MSH6: variants seen among roughly 807,000 people sequenced by gnomAD.
MSH6 encodes the protein mutS homolog 6, also known as DNA mismatch repair protein Msh6.
MSH6 carries 85 observed loss-of-function variants against 119.1 expected under a neutral mutation model. The observed-to-expected ratio is 0.71, with a 90% CI of 0.60 to 0.85. The LOEUF is 0.85. Among genes scored for constraint, MSH6 ranks in the 40% least tolerant of loss-of-function variants. The probability of loss-of-function intolerance (pLI) is 0.00; values close to 1 mark genes in which losing one functional copy is unlikely to be tolerated. For missense variants in MSH6, 2,163 were observed against 1,655.3 expected (o/e 1.31, Z -5.32); for synonymous variants, 830 against 586.9 (o/e 1.41, Z -5.99).
At chr2:47,804,471 T>C (rs1046604818) in intron 5 of MSH6, among the ~76,000 whole-genome samples, 5 of 151,654 alleles carry the variant, frequency 3.3e-5, no homozygotes, top group Admixed American at 6.6e-5. Context: ...GGCAGTATAG[T>C]GTGTATAGTG....
Position 47,783,286 on chromosome 2 carries a change from G to T in MSH6, c.53G>T (p.Ser18Ile). ...YSFFPKSPAL[S>I]DANKASARAS... is the part of the protein sequence containing the mutation. ...TTCTTCCCCAAGTCTCCGGCGCTGA[G>T]TGATGCCAACAAGGCCTCGGCCAGG... The change falls in exon 1 of 10, where the codon AGT becomes ATT. Residue 18 changes from serine (S) to isoleucine (I), a missense_variant. Physicochemically the swap from Ser to Ile is moderately radical, Grantham distance 142 (BLOSUM62 -2). Transcript: ENST00000234420. 1 of 1,612,248 alleles carries T rather than the reference G, an allele frequency of 6.2e-7. No individual in the cohort carries two copies. The highest frequency in any genetic ancestry group is 2.2e-5 in the East Asian group (1 of 44,818).
chr2:47,797,168 C>T (rs962374459), intron 3 of MSH6, among the ~76,000 whole-genome samples: 9 of 152,108 alleles, frequency 5.9e-5, no homozygotes, highest in African/African-American at 2.2e-4. Flanking sequence ...TATGTGTGGC[C>T]TAAGACAATT....
intron 2 of MSH6, among the ~76,000 whole-genome samples, chr2:47,792,130 G>T (rs928851711): frequency 6.6e-6 from 1 of 152,100 alleles, no homozygotes; most frequent in Non-Finnish European, 1.5e-5. Context: ...ATAGGCGTGA[G>T]CCACTGTGCC....
downstream of MSH6, chr2:47,808,907 G>A (rs1558400054): frequency 2.9e-6 from 1 of 350,714 alleles, no homozygotes; most frequent in South Asian, 5.6e-5. Flanking sequence ...ATGTTGCCCA[G>A]GCTGGTTTAG....
rs772514245 is a variant in MSH6 at position 47,800,684 on chromosome 2, C to G, written c.2701C>G (p.Arg901Gly). Reference sequence around the variant, plus strand: ...TCTGCAGACAAAAAATCCTGAAGGTCGTTTTCCTGATTTGACTGTAGAATT... The same window carrying G: ...TCTGCAGACAAAAAATCCTGAAGGTGGTTTTCCTGATTTGACTGTAGAATT... ...ISLQTKNPEG[R>G]FPDLTVELNR... The change falls in exon 4 of 10, where the codon CGT becomes GGT. Residue 901 changes from arginine to glycine, a missense_variant. Arg to Gly is a moderately radical substitution (Grantham distance 125). Transcript: ENST00000234420. 6.2e-7 allele frequency: 1 copy of G among 1,614,066 alleles called. No homozygotes were observed. Among genetic ancestry groups the G allele is most frequent in the Non-Finnish European group, 8.5e-7 (1 of 1,180,032 alleles).
rs35590297 is a variant in MSH6, at chr2:47,799,432, G to C, written c.1449G>C (p.Val483=). Residue 483 remains valine (V), a synonymous_variant, in exon 4 of 10, where the codon GTG becomes GTC. Coordinates refer to ENST00000234420, the MANE Select transcript of MSH6 (RefSeq NM_000179.3). ...LVQKGYKVAR[V]EQTETPEMME... is the part of the protein sequence containing the mutation. ...AGAAGGGCTATAAAGTAGCACGAGT[G>C]GAACAGACTGAGACTCCAGAAATGA... The C allele has an allele frequency of 6.2e-7, 1 of 1,614,142 alleles. No individual in the cohort carries two copies. Among genetic ancestry groups the C allele is most frequent in the Non-Finnish European group, 8.5e-7 (1 of 1,180,026 alleles).
chr2:47,808,731 T>C (rs1670400431), downstream of MSH6: 1 of 329,136 alleles, frequency 3.0e-6, no homozygotes, highest in African/African-American at 2.1e-5. Flanking sequence ...GTCAAAACTG[T>C]CACAGTGACT....
chr2:47,804,963 G>A lies in MSH6; in HGVS notation c.3492G>A (p.Val1164=), dbSNP rs1060504745. 6.2e-7 allele frequency: 1 copy of A among 1,614,130 alleles called. No individual in the cohort carries two copies. The change falls in exon 6 of 10, where the codon GTG becomes GTA. Residue 1164 remains valine (V), a synonymous_variant. Coordinates refer to ENST00000234420, the MANE Select transcript of MSH6 (RefSeq NM_000179.3). ...TGGGTTGTTACGTCCCTGCTGAAGT[G>A]TGCAGGCTCACACCAATTGATAGAG... The part of the protein sequence containing the change: ...AQMGCYVPAE[V]CRLTPIDRVF...
intron 3 of MSH6, among the ~76,000 whole-genome samples, chr2:47,797,334 G>C (rs905502173): frequency 2.0e-5 from 3 of 152,182 alleles, no homozygotes; most frequent in African/African-American, 4.8e-5. Flanking sequence ...AGTTAATAAA[G>C]TGGGTATTTT....
At chr2:47,805,590 A>T (rs2104520601) in intron 6 of MSH6, 28 bp from the exon 7 acceptor site, 1 of 1,433,508 alleles carries the variant, frequency 7.0e-7, no homozygotes, top group Non-Finnish European at 9.8e-7. Flanking sequence ...CAAAATGAGT[A>T]TTCATTTGTG....
In MSH6 at chr2:47,806,769, T is replaced by A. The variant is rs545466048; in HGVS notation, c.4002-10T>A. 3.6e-4 allele frequency: 553 copies of A among 1,542,738 alleles called. 2 individuals are homozygous for A. The East Asian group carries it at 5.6e-3, about 16-fold the overall frequency. ...AAAAAAACTTTTTTTTTTTTTTTTT[T>A]AATTTTAAGGGAAGTTTGCCTGGCT... On this transcript the variant is annotated splice_polypyrimidine_tract_variant and intron_variant, in intron 9 of 9. Transcript: ENST00000234420.
intron 1 of MSH6, 68 bp downstream of exon 1, chr2:47,783,561 A>T: frequency 7.9e-7 from 1 of 1,264,806 alleles, no homozygotes; most frequent in Non-Finnish European, 1.0e-6. Context: ...CGGCGAGGGG[A>T]GGCTCGCACA....
chr2:47,788,922 G>GTCTTTTT (rs1668540958), intron 1 of MSH6, among the ~76,000 whole-genome samples: 1 of 40,932 alleles, frequency 2.4e-5, no homozygotes, highest in Non-Finnish European at 4.2e-5. Flanking sequence ...TTTTTTTTTT[G>GTCTTTTT]TTTTTTTTTT....
chr2:47,793,379 C>T (rs1317234599), intron 2 of MSH6, among the ~76,000 whole-genome samples: 1 of 144,576 alleles, frequency 6.9e-6, no homozygotes, highest in East Asian at 2.0e-4. Flanking sequence ...CCTGTAATCC[C>T]AACACTTTGG....
At position 47,806,802 on chromosome 2, in the gene MSH6, G is replaced by C. The variant is rs774012741; in HGVS notation, c.4025G>C (p.Arg1342Thr). ...AGGGAAGTTTGCCTGGCTAGTGAAA[G>C]GTCAACTGTAGATGCTGAAGCTGTC... is the stretch of plus-strand genomic sequence containing the variant. ...LFREVCLASE[R>T]STVDAEAVHK... Residue 1342 changes from arginine to threonine, a missense_variant, in exon 10 of 10, where the codon AGG becomes ACG. Physicochemically the swap from Arg to Thr is moderately conservative, Grantham distance 71. Coordinates refer to ENST00000234420, the MANE Select transcript of MSH6 (RefSeq NM_000179.3). 1 of 1,607,780 alleles carries C rather than the reference G, an allele frequency of 6.2e-7. No homozygotes were observed. Among genetic ancestry groups the C allele is most frequent in the South Asian group, 1.1e-5 (1 of 89,840 alleles).
chr2:47,797,978 A>T (rs1445576673), intron 3 of MSH6: 1 of 207,996 alleles, frequency 4.8e-6, no homozygotes, highest in Non-Finnish European at 1.0e-5. Flanking sequence ...CTTACCCCCC[A>T]TACCCACTCT....
intron 4 of MSH6, among the ~76,000 whole-genome samples, chr2:47,803,083 A>G (rs1055604403): frequency 7.2e-5 from 11 of 151,932 alleles, no homozygotes; most frequent in Non-Finnish European, 1.6e-4. Context: ...AGGCACTGCT[A>G]ATTTCTGTAT....
downstream of MSH6, chr2:47,809,883 A>G (rs754250243): frequency 9.2e-6 from 5 of 546,398 alleles, no homozygotes; most frequent in African/African-American, 1.9e-5. Flanking sequence ...TCACTTATCA[A>G]TGACTATGGT....
rs876660882 is a variant in MSH6 at position 47,805,668 on chromosome 2, C to T, written c.3607C>T (p.His1203Tyr). 3 of 1,613,330 alleles carry T rather than the reference C, an allele frequency of 1.9e-6. No individual in the cohort carries two copies. Among genetic ancestry groups the T allele is most frequent in the Non-Finnish European group, 2.5e-6 (3 of 1,179,550 alleles). Residue 1203 changes from histidine to tyrosine, a missense_variant, in exon 7 of 10, where the codon CAT becomes TAT. Physicochemically the swap from His to Tyr is moderately conservative, Grantham distance 83. Coordinates refer to ENST00000234420, the MANE Select transcript of MSH6 (RefSeq NM_000179.3). ...AAGTGAAACTGCCAGCATACTCATGCATGCAACAGCACATTCTCTGGTGCT... is the reference window on the plus strand; with the variant it reads ...AAGTGAAACTGCCAGCATACTCATGTATGCAACAGCACATTCTCTGGTGCT... Reference protein sequence around the residue: ...ELSETASILMHATAHSLVLVD... With the variant: ...ELSETASILMYATAHSLVLVD...
Sources: allele counts gnomAD v4.1 joint callset (sites outside exome capture counted in the v4.1 genomes callset), GRCh38; gene constraint gnomAD v4.1.1; transcripts MANE v1.5; gene names NCBI Gene and HGNC (gene_info 2026-07-23, HGNC 2026-07-21).